Variants in UHRF2 observed in about 807,000 individuals in gnomAD.
UHRF2 encodes the protein ubiquitin like with PHD and ring finger domains 2.
UHRF2 carries 23 observed loss-of-function variants against 96.8 expected under a neutral mutation model. That is an observed-to-expected ratio of 0.24 (90% CI 0.17 to 0.34). The LOEUF (loss-of-function observed/expected upper bound fraction) is 0.34, where lower values mean the gene tolerates loss of function less well. Among genes scored for constraint, UHRF2 ranks in the 10% least tolerant of loss-of-function variants. UHRF2 has a pLI of 1.00. For synonymous variants in UHRF2, 385 were observed against 332.6 expected (o/e 1.16, Z -1.72); for missense variants, 685 against 981.5 (o/e 0.70, Z 4.04).
At chr9:6,458,080 T>C (rs1314706040) in intron 3 of UHRF2, among the ~76,000 whole-genome samples, 1 of 152,160 alleles carries the variant, frequency 6.6e-6, no homozygotes, top group Non-Finnish European at 1.5e-5. Context: ...TCAGAAGAAA[T>C]GGTACCCACC....
At chr9:6,466,363 C>T (rs940477407) in intron 4 of UHRF2, among the ~76,000 whole-genome samples, 1 of 152,008 alleles carries the variant, frequency 6.6e-6, no homozygotes, top group African/African-American at 2.4e-5. Flanking sequence ...CGTGGTGAAA[C>T]GCCATCTCTA....
chr9:6,427,778 A>G (rs991888625), intron 2 of UHRF2, among the ~76,000 whole-genome samples: 1 of 152,162 alleles, frequency 6.6e-6, no homozygotes, highest in Non-Finnish European at 1.5e-5. Flanking sequence ...AGTTTCAGAT[A>G]TTTTCATATG....
At chr9:6,493,722 T>C in intron 9 of UHRF2, 104 bp from the exon 10 acceptor site, 1 of 978,536 alleles carries the variant, frequency 1.0e-6, no homozygotes, top group Non-Finnish European at 1.5e-6. Flanking sequence ...CAAGAGAAAA[T>C]GTCAACTCAT....
At chr9:6,454,903 T>C (rs1164216634) in intron 3 of UHRF2, among the ~76,000 whole-genome samples, 2 of 152,212 alleles carry the variant, frequency 1.3e-5, no homozygotes, top group Non-Finnish European at 2.9e-5. Flanking sequence ...TAAATGTAGA[T>C]TGCTGGACCT....
At chr9:6,461,863 G>C (rs973858915) in intron 4 of UHRF2, among the ~76,000 whole-genome samples, 3 of 151,808 alleles carry the variant, frequency 2.0e-5, no homozygotes, top group Non-Finnish European at 4.4e-5. Context: ...ATCATTTCCA[G>C]TTCTTTATTA....
intron 1 of UHRF2, among the ~76,000 whole-genome samples, chr9:6,415,969 C>T (rs1425417734): frequency 6.6e-6 from 1 of 152,194 alleles, no homozygotes; most frequent in South Asian, 2.1e-4. Flanking sequence ...CTGAAGCTGA[C>T]CTACTGAAGC....
intron 8 of UHRF2, among the ~76,000 whole-genome samples, chr9:6,484,274 CTA>C: frequency 6.6e-6 from 1 of 152,074 alleles, no homozygotes; most frequent in East Asian, 1.9e-4. Flanking sequence ...CAGGGTCATG[CTA>C]TGTTACCCAG....
chr9:6,500,339 G>T (rs1273663920), intron 13 of UHRF2, among the ~76,000 whole-genome samples: 1 of 152,080 alleles, frequency 6.6e-6, no homozygotes. Context: ...GGATTTGGCT[G>T]GGGGGGCATG....
At chr9:6,451,400 T>A (rs547527922) in intron 3 of UHRF2, among the ~76,000 whole-genome samples, 1 of 152,328 alleles carries the variant, frequency 6.6e-6, no homozygotes, top group South Asian at 2.1e-4. Flanking sequence ...CAAAACAAAA[T>A]ATACTAAGAG....
At chr9:6,417,112 C>G (rs1360948384) in intron 1 of UHRF2, among the ~76,000 whole-genome samples, 1 of 152,194 alleles carries the variant, frequency 6.6e-6, no homozygotes, top group Admixed American at 6.6e-5. Flanking sequence ...TTGCCCTTCA[C>G]TGGCATCCCT....
chr9:6,450,502 T>C (rs1018300290), intron 3 of UHRF2, among the ~76,000 whole-genome samples: 1 of 152,160 alleles, frequency 6.6e-6, no homozygotes, highest in East Asian at 1.9e-4. Flanking sequence ...CAGTGTTTGT[T>C]TACCTATGGC....
At chr9:6,417,554 C>T (rs1819678789) in intron 1 of UHRF2, among the ~76,000 whole-genome samples, 1 of 152,182 alleles carries the variant, frequency 6.6e-6, no homozygotes. Context: ...CACAGCTCTT[C>T]ATAATATGTG....
intron 9 of UHRF2, among the ~76,000 whole-genome samples, chr9:6,487,958 G>A (rs777179510): frequency 6.6e-6 from 1 of 151,922 alleles, no homozygotes; most frequent in Admixed American, 6.6e-5. Context: ...ACAATACAGA[G>A]GGCCGAATCC....
chr9:6,482,722 A>G (rs945834445), intron 8 of UHRF2, among the ~76,000 whole-genome samples: 5 of 151,728 alleles, frequency 3.3e-5, no homozygotes, highest in African/African-American at 9.7e-5. Context: ...TCAGCCTCCA[A>G]AGTAGCTGGG....
At chr9:6,439,487 A>C (rs560582348) in intron 3 of UHRF2, among the ~76,000 whole-genome samples, 2 of 152,346 alleles carry the variant, frequency 1.3e-5, no homozygotes, top group East Asian at 3.9e-4. Context: ...TGTCAGCCTT[A>C]AGGCCTACGT....
chr9:6,424,797 T>C (rs1024857658), intron 2 of UHRF2, among the ~76,000 whole-genome samples: 2 of 138,376 alleles, frequency 1.4e-5, no homozygotes, highest in African/African-American at 2.7e-5. Flanking sequence ...TTTTTTTCAA[T>C]TACCGTGACC....
At chr9:6,437,901 C>T (rs537268298) in intron 3 of UHRF2, among the ~76,000 whole-genome samples, 6 of 152,146 alleles carry the variant, frequency 3.9e-5, no homozygotes, top group South Asian at 2.1e-4. Context: ...TGTGAGCCAC[C>T]GCACCCGGCT....
intron 2 of UHRF2, chr9:6,422,684 G>T (rs749620191): frequency 3.2e-6 from 2 of 615,696 alleles, no homozygotes; most frequent in Non-Finnish European, 6.1e-6. Context: ...AACACGGCTC[G>T]CTGTAGCCTT....
In UHRF2 at chr9:6,434,106, C is replaced by A. The variant is rs758051034; in HGVS notation, c.577C>A (p.Pro193Thr). The change falls in exon 3 of 16, where the codon CCC becomes ACC. Residue 193 changes from proline (P) to threonine (T), a missense_variant. By Grantham distance (38) the Pro-to-Thr change is conservative. Around this residue, in one of 6 missense-constraint regions of UHRF2, gnomAD observed 391 missense variants for 437.0 expected, o/e 0.89. Transcript: ENST00000276893. The stretch of plus-strand genomic sequence containing the variant: ...GAACACAAATAAATTGGACAGTGTA[C>A]CCTCTACGTCTAATTCAGACTGTGT... Reference protein sequence around the residue: ...KENTNKLDSVPSTSNSDCVAA... With the variant: ...KENTNKLDSVTSTSNSDCVAA... 6.2e-7 allele frequency: 1 copy of A among 1,614,036 alleles called. No individual in the cohort carries two copies. The highest frequency in any genetic ancestry group is 2.2e-5 in the East Asian group (1 of 44,862).
Sources: gnomAD v4.1 joint callset for allele counts (sites outside exome capture counted in the v4.1 genomes callset) on GRCh38, gnomAD v4.1.1 for gene constraint, gnomAD v4.1.1 regional missense constraint, MANE v1.5 for transcripts, NCBI Gene and HGNC (gene_info 2026-07-23, HGNC 2026-07-21) for gene names.